The following PIBF1 variants were observed in gnomAD, a reference collection of about 807,000 sequenced individuals.
PIBF1 encodes the protein progesterone immunomodulatory binding factor 1.
Under a neutral mutation model 112.5 loss-of-function variants are expected in PIBF1, and 90 were observed. The ratio of observed to expected loss-of-function variants is 0.80; its 90% CI spans 0.67 to 0.95. The LOEUF is 0.95. Among genes scored for constraint, PIBF1 ranks in the 40% least tolerant of loss-of-function variants. PIBF1 has a pLI of 0.00. For synonymous variants in PIBF1, 301 were observed against 288.6 expected (o/e 1.04, Z -0.44); for missense variants, 915 against 852.3 (o/e 1.07, Z -0.92).
chr13:72,825,387 G>A (rs996564107), intron 6 of PIBF1, among the ~76,000 whole-genome samples: 4 of 152,304 alleles, frequency 2.6e-5, no homozygotes, highest in Middle Eastern at 3.4e-3. Context: ...GGAAACAAAT[G>A]CACATGTATG....
At chr13:72,826,121 A>G (rs2036802023) in intron 6 of PIBF1, among the ~76,000 whole-genome samples, 2 of 151,976 alleles carry the variant, frequency 1.3e-5, no homozygotes, top group South Asian at 4.1e-4. Context: ...AAATTTTTTT[A>G]ATTAAAAATA....
At chr13:72,885,137 A>T (rs1371549435) in intron 10 of PIBF1, among the ~76,000 whole-genome samples, 1 of 152,096 alleles carries the variant, frequency 6.6e-6, no homozygotes, top group Non-Finnish European at 1.5e-5. Flanking sequence ...CTTTTTTGTA[A>T]GTATTTTTAG....
chr13:72,899,152 A>T (rs1470071609), intron 11 of PIBF1, among the ~76,000 whole-genome samples: 1 of 152,182 alleles, frequency 6.6e-6, no homozygotes, highest in African/African-American at 2.4e-5. Flanking sequence ...CCAAAAATAA[A>T]GTCCAGGACC....
At chr13:72,818,569 C>T (rs571821836) in intron 5 of PIBF1, among the ~76,000 whole-genome samples, 16 of 151,534 alleles carry the variant, frequency 1.1e-4, no homozygotes, top group African/African-American at 3.6e-4. Context: ...TTACCATTGT[C>T]TGCTTTCAAC....
At chr13:72,980,738 G>A (rs1247083474) in intron 16 of PIBF1, among the ~76,000 whole-genome samples, 3 of 151,824 alleles carry the variant, frequency 2.0e-5, no homozygotes, top group African/African-American at 7.3e-5. Flanking sequence ...CCAGGAGGTG[G>A]AGGTTGCAGT....
At chr13:73,010,229 G>GTTTTTTTTTTTTTTTTTTTTTTT (rs35486011) in intron 17 of PIBF1, among the ~76,000 whole-genome samples, 1 of 123,562 alleles carries the variant, frequency 8.1e-6, no homozygotes, top group African/African-American at 3.1e-5. Flanking sequence ...TTCTATGCTA[G>GTTTTTTTTTTTTTTTTTTTTTTT]TTTTTTTTTT....
intron 14 of PIBF1, among the ~76,000 whole-genome samples, chr13:72,955,101 T>C (rs1049309141): frequency 6.6e-6 from 1 of 152,234 alleles, no homozygotes; most frequent in East Asian, 1.9e-4. Context: ...TGTTCTGATA[T>C]GGAATTACAT....
chr13:72,820,086 T>C (rs925356008), intron 5 of PIBF1, among the ~76,000 whole-genome samples: 13 of 152,176 alleles, frequency 8.5e-5, no homozygotes, highest in Non-Finnish European at 1.8e-4. Flanking sequence ...ATTATAACAA[T>C]ATTAATTTAT....
In PIBF1 at chr13:72,856,010, T is replaced by C. The variant is rs139121373; in HGVS notation, c.1322+1855T>C. On this transcript the variant is annotated intron_variant, in intron 10 of 17. Coordinates refer to ENST00000326291, the MANE Select transcript of PIBF1 (RefSeq NM_006346.4). ...TTTTGTAAAGTTGGAGAGAATAATA[T>C]ATCTGATCATAAAACTGACCAATTT... 1.0e-3 allele frequency among the ~76,000 whole-genome samples: 157 copies of C among 152,318 alleles called. 1 individual carries two copies. The highest frequency in any genetic ancestry group is 1.3e-4 in the Non-Finnish European group (9 of 68,008).
chr13:72,960,185 G>A (rs777099866), intron 14 of PIBF1, among the ~76,000 whole-genome samples: 9 of 152,174 alleles, frequency 5.9e-5, no homozygotes, highest in Non-Finnish European at 1.3e-4. Context: ...GAGTAAGGCG[G>A]TTATAGGTTT....
At chr13:72,875,458 G>C (rs561911320) in intron 10 of PIBF1, among the ~76,000 whole-genome samples, 1 of 151,930 alleles carries the variant, frequency 6.6e-6, no homozygotes, top group African/African-American at 2.4e-5. Context: ...AGTTTTGTAA[G>C]AAACCACGAA....
At chr13:72,979,686 G>C (rs1218427933) in intron 16 of PIBF1, among the ~76,000 whole-genome samples, 1 of 152,158 alleles carries the variant, frequency 6.6e-6, no homozygotes, top group Admixed American at 6.5e-5. Context: ...CACTTTCGGA[G>C]GCCGAGGCGG....
chr13:72,860,583 C>T (rs1054862619), intron 10 of PIBF1, among the ~76,000 whole-genome samples: 3 of 152,036 alleles, frequency 2.0e-5, no homozygotes, highest in African/African-American at 7.2e-5. Context: ...TGTGATTTCC[C>T]TGAATCATGC....
intron 16 of PIBF1, among the ~76,000 whole-genome samples, chr13:72,992,151 T>A (rs962243125): frequency 3.3e-5 from 5 of 152,144 alleles, no homozygotes. Flanking sequence ...TACAGTCGCA[T>A]CACTGCAGTC....
intron 16 of PIBF1, chr13:72,973,996 G>A (rs1017899424): frequency 5.7e-6 from 2 of 348,474 alleles, no homozygotes; most frequent in Non-Finnish European, 1.0e-5. Flanking sequence ...ATCAATGTAT[G>A]CCCAGTGCCT....
intron 10 of PIBF1, among the ~76,000 whole-genome samples, chr13:72,868,353 A>G (rs1018900462): frequency 1.3e-5 from 2 of 152,176 alleles, no homozygotes; most frequent in African/African-American, 4.8e-5. Flanking sequence ...CCTTCAGGCA[A>G]GAATGCACCC....
chr13:73,007,468 C>T (rs1281680672), intron 17 of PIBF1, among the ~76,000 whole-genome samples: 1 of 151,948 alleles, frequency 6.6e-6, no homozygotes, highest in Non-Finnish European at 1.5e-5. Context: ...AATCAGTTAC[C>T]AAGAGCCAGC....
chr13:72,790,502 CACACACACATAGATAGATAG>C (rs2034856302), intron 2 of PIBF1, among the ~76,000 whole-genome samples: 3 of 141,100 alleles, frequency 2.1e-5, no homozygotes, highest in African/African-American at 8.1e-5. Context: ...AGATAGATCA[CACACACACATAGATAGATAG>C]ATAGATAGAT....
chr13:72,860,463 A>C (rs546179161), intron 10 of PIBF1, among the ~76,000 whole-genome samples: 3 of 152,154 alleles, frequency 2.0e-5, no homozygotes, highest in Admixed American at 6.5e-5. Flanking sequence ...TTTTGTATAT[A>C]GTGAAGCTTA....
Sources: allele counts gnomAD v4.1 joint callset (sites outside exome capture counted in the v4.1 genomes callset), GRCh38; gene constraint gnomAD v4.1.1; transcripts MANE v1.5; gene names NCBI Gene and HGNC (gene_info 2026-07-23, HGNC 2026-07-21).